Variants in KCNH7 observed in about 807,000 individuals in gnomAD.
The protein encoded by KCNH7 is voltage-gated inwardly rectifying potassium channel KCNH7.
Under a neutral mutation model 120.8 loss-of-function variants are expected in KCNH7, and 49 were observed. That is an observed-to-expected ratio of 0.41 (90% CI 0.32 to 0.51). The LOEUF is 0.51. Among genes scored for constraint, KCNH7 ranks in the 20% least tolerant of loss-of-function variants. The pLI is 0.38. For synonymous variants in KCNH7, 547 were observed against 516.1 expected (o/e 1.06, Z -0.81); for missense variants, 1,097 against 1,446.6 (o/e 0.76, Z 3.92).
chr2:162,538,401 C>T (rs1371353350), intron 2 of KCNH7, among the ~76,000 whole-genome samples: 1 of 151,886 alleles, frequency 6.6e-6, no homozygotes, highest in Non-Finnish European at 1.5e-5. Context: ...CACCTTGAAT[C>T]TTGAGGAGAA....
chr2:162,468,447 C>A (rs550440570), intron 6 of KCNH7, among the ~76,000 whole-genome samples: 1 of 147,992 alleles, frequency 6.8e-6, no homozygotes, highest in South Asian at 2.1e-4. Flanking sequence ...AACAAAATAT[C>A]TTGGCAGAAG....
At chr2:162,513,490 CTTCCTTCCTTCCTTCT>C (rs1691183136) in intron 4 of KCNH7, among the ~76,000 whole-genome samples, 1 of 138,014 alleles carries the variant, frequency 7.2e-6, no homozygotes, top group African/African-American at 2.7e-5. Flanking sequence ...TCCTTCCTTC[CTTCCTTCCTTCCTTCT>C]TTCCTTCCTT....
intron 3 of KCNH7, among the ~76,000 whole-genome samples, chr2:162,524,901 T>C (rs1038766332): frequency 2.0e-5 from 3 of 151,880 alleles, no homozygotes; most frequent in Non-Finnish European, 4.4e-5. Flanking sequence ...CTCAGAATAT[T>C]GTCAAAGAAT....
chr2:162,452,803 T>C (rs1688814966), intron 6 of KCNH7, among the ~76,000 whole-genome samples: 1 of 152,116 alleles, frequency 6.6e-6, no homozygotes, highest in Non-Finnish European at 1.5e-5. Flanking sequence ...TGCATTTTTC[T>C]CAGAAAACTG....
chr2:162,836,332 G>A (rs1039347996), intron 2 of KCNH7, among the ~76,000 whole-genome samples: 1 of 152,194 alleles, frequency 6.6e-6, no homozygotes, highest in South Asian at 2.1e-4. Flanking sequence ...CTTTTGAAGA[G>A]ATTACAGTAC....
At chr2:162,835,920 A>AT (rs151003047) in intron 2 of KCNH7, among the ~76,000 whole-genome samples, 8,442 of 152,150 alleles carry the variant, frequency 0.055, 314 homozygotes, top group South Asian at 0.11. Flanking sequence ...CAGTATCATA[A>AT]TTTTTTCTAC....
chr2:162,379,724 T>C, intron 14 of KCNH7, 129 bp downstream of exon 14: 1 of 887,244 alleles, frequency 1.1e-6, no homozygotes, highest in Non-Finnish European at 1.7e-6. Context: ...TCTAGTCTTA[T>C]TTTAAATAAG....
chr2:162,808,272 T>C lies in KCNH7; in HGVS notation c.307+28265A>G, dbSNP rs111237687. Among the ~76,000 whole-genome samples, 1,296 of 152,302 alleles carry C rather than the reference T, an allele frequency of 8.5e-3. 20 individuals are homozygous for C. The highest frequency in any genetic ancestry group is 0.029 in the African/African-American group (1,192 of 41,560). On this transcript the variant is annotated intron_variant, in intron 2 of 15. Coordinates refer to ENST00000332142, the MANE Select transcript of KCNH7 (RefSeq NM_033272.4). ...AAACATATTTTTGATCCATAGTTAGTTGACTCTGTGGAGGCAGAACCAGGG... is the reference window on the plus strand; with the variant it reads ...AAACATATTTTTGATCCATAGTTAGCTGACTCTGTGGAGGCAGAACCAGGG...
chr2:162,546,504 C>G (rs1052228068), intron 2 of KCNH7, among the ~76,000 whole-genome samples: 1 of 152,100 alleles, frequency 6.6e-6, no homozygotes, highest in African/African-American at 2.4e-5. Context: ...AATCTGCATA[C>G]TGCCATAGTA....
At chr2:162,384,536 T>C (rs1321033800) in intron 13 of KCNH7, 152 bp downstream of exon 13, 3 of 786,256 alleles carry the variant, frequency 3.8e-6, no homozygotes, top group South Asian at 3.6e-5. Flanking sequence ...AAACACTTCA[T>C]GGATGATCTG....
intron 7 of KCNH7, among the ~76,000 whole-genome samples, chr2:162,440,697 G>T (rs747874529): frequency 6.6e-6 from 1 of 152,002 alleles, no homozygotes; most frequent in Non-Finnish European, 1.5e-5. Flanking sequence ...TTAAAGAGGA[G>T]ATTTTTACAA....
chr2:162,383,353 T>C (rs1686480430), intron 13 of KCNH7, among the ~76,000 whole-genome samples: 1 of 151,980 alleles, frequency 6.6e-6, no homozygotes. Context: ...GGTAATCACA[T>C]TTAATATTCC....
intron 6 of KCNH7, among the ~76,000 whole-genome samples, chr2:162,467,922 G>T (rs1454020815): frequency 6.6e-6 from 1 of 152,108 alleles, no homozygotes; most frequent in Non-Finnish European, 1.5e-5. Context: ...TGGTGGAAGG[G>T]GCAAGGCATT....
chr2:162,398,977 T>G (rs1686994985), intron 10 of KCNH7, among the ~76,000 whole-genome samples: 1 of 151,912 alleles, frequency 6.6e-6, no homozygotes, highest in South Asian at 2.1e-4. Flanking sequence ...TCTTTATTCA[T>G]GTATTTGAGT....
chr2:162,477,000 T>C (rs1235671350), intron 6 of KCNH7, among the ~76,000 whole-genome samples: 1 of 152,218 alleles, frequency 6.6e-6, no homozygotes, highest in Non-Finnish European at 1.5e-5. Context: ...ACCTCAGGAA[T>C]TAGGAACTAG....
At chr2:162,478,172 T>C (rs1485976) in intron 6 of KCNH7, among the ~76,000 whole-genome samples, 2,777 of 152,230 alleles carry the variant, frequency 0.018, 67 homozygotes, top group East Asian at 0.09. Context: ...GACCGGGCCT[T>C]GGAAAGGTCT....
rs772415826 is a variant in KCNH7, at chr2:162,435,483, A to C, written c.1669T>G (p.Cys557Gly). Residue 557 changes from cysteine (C) to glycine (G), a missense_variant, in exon 8 of 16, where the codon TGC becomes GGC. Cys to Gly is a radical substitution (Grantham distance 159). Around this residue, in one of 8 missense-constraint regions of KCNH7, gnomAD observed 109 missense variants for 196.8 expected, o/e 0.55. Transcript: ENST00000332142. Reference sequence around the variant, plus strand: ...CAGTGAGCAATCAGGGCAAAGATGCACATTAAGAGCATTAGAACAGCAGCG... The same window carrying C: ...CAGTGAGCAATCAGGGCAAAGATGCCCATTAAGAGCATTAGAACAGCAGCG... The part of the protein sequence containing the change: ...YGAAVLMLLM[C>G]IFALIAHWLA... 4 of 1,613,836 alleles carry C rather than the reference A, an allele frequency of 2.5e-6. No homozygotes were observed. The highest frequency in any genetic ancestry group is 3.4e-6 in the Non-Finnish European group (4 of 1,179,852).
intron 2 of KCNH7, among the ~76,000 whole-genome samples, chr2:162,545,093 C>G (rs934532646): frequency 6.6e-6 from 1 of 152,082 alleles, no homozygotes; most frequent in Non-Finnish European, 1.5e-5. Flanking sequence ...TGAACTGAGA[C>G]CTGTCCTGCA....
intron 2 of KCNH7, among the ~76,000 whole-genome samples, chr2:162,660,747 A>C (rs1417711098): frequency 6.6e-6 from 1 of 152,246 alleles, no homozygotes; most frequent in African/African-American, 2.4e-5. Flanking sequence ...ACTGTCAAAC[A>C]AACAAAAAAC....
Sources: allele counts gnomAD v4.1 joint callset (sites outside exome capture counted in the v4.1 genomes callset), GRCh38; gene constraint gnomAD v4.1.1; regional missense constraint gnomAD v4.1.1; transcripts MANE v1.5; gene names NCBI Gene and HGNC (gene_info 2026-07-23, HGNC 2026-07-21).